The following UNC13C variants were observed in gnomAD, a reference collection of about 807,000 sequenced individuals.
UNC13C encodes the protein protein unc-13 homolog C.
UNC13C carries 174 observed loss-of-function variants against 245.4 expected under a neutral mutation model. The ratio of observed to expected loss-of-function variants is 0.71; its 90% CI spans 0.63 to 0.80. The LOEUF is 0.80. Ranked by LOEUF, UNC13C falls within the 30% of genes least tolerant of loss-of-function variation. The pLI, the probability that UNC13C is intolerant of heterozygous loss-of-function variation, is 0.00. For missense variants in UNC13C, 2,829 were observed against 2,602.9 expected (o/e 1.09, Z -1.89); for synonymous variants, 992 against 895.1 (o/e 1.11, Z -1.93).
chr15:54,521,755 TG>T (rs1221171650), intron 24 of UNC13C, among the ~76,000 whole-genome samples: 1 of 152,212 alleles, frequency 6.6e-6, no homozygotes, highest in Non-Finnish European at 1.5e-5. Context: ...TTCTAAGGAA[TG>T]AAAGATTTCA....
intron 19 of UNC13C, among the ~76,000 whole-genome samples, chr15:54,461,899 T>C (rs1186000645): frequency 1.3e-5 from 2 of 152,128 alleles, no homozygotes; most frequent in Non-Finnish European, 2.9e-5. Flanking sequence ...TGGTATGAAA[T>C]AATAACTTCT....
the UNC13C span, among the ~76,000 whole-genome samples, chr15:53,891,122 C>T: frequency 6.6e-6 from 1 of 152,012 alleles, no homozygotes; most frequent in Non-Finnish European, 1.5e-5. Flanking sequence ...TTGTTATTTA[C>T]CAGTAGTCAT....
the UNC13C span, among the ~76,000 whole-genome samples, chr15:53,922,309 G>T: frequency 6.6e-6 from 1 of 152,084 alleles, no homozygotes; most frequent in Non-Finnish European, 1.5e-5. Context: ...ATATGAAAAA[G>T]GTTCCCAGAA....
At chr15:54,626,564 G>GCAAT (rs1338600216) in intron 32 of UNC13C, among the ~76,000 whole-genome samples, 1 of 152,012 alleles carries the variant, frequency 6.6e-6, no homozygotes, top group Non-Finnish European at 1.5e-5. Flanking sequence ...CACCGCACCC[G>GCAAT]CAATCAGGAG....
rs898791262 is a variant in UNC13C at position 54,628,538 on chromosome 15, T to C, written c.*1425T>C. 3 of 152,630 alleles carry C rather than the reference T, an allele frequency of 2.0e-5. No homozygotes were observed. The highest frequency in any genetic ancestry group is 7.2e-5 in the African/African-American group (3 of 41,454). The allele number at this position is 152,630 out of a possible 1,614,324, so 9.5% of individuals were successfully genotyped here. On this transcript the variant is annotated 3_prime_UTR_variant, in exon 33 of 33. Coordinates refer to ENST00000260323, the MANE Select transcript of UNC13C (RefSeq NM_001080534.3). ...GCCACTGCTTTGTTAATGACTCCTC[T>C]AAATGCATAGTGTGATGCGATCCTC...
intron 2 of UNC13C, among the ~76,000 whole-genome samples, chr15:54,016,867 GCTATTAC>G (rs1895683657): frequency 6.6e-6 from 1 of 152,048 alleles, no homozygotes; most frequent in African/African-American, 2.4e-5. Context: ...CATTAATTAA[GCTATTAC>G]TCTACATAAT....
chr15:54,034,783 C>G (rs1374491209), intron 2 of UNC13C, among the ~76,000 whole-genome samples: 2 of 152,206 alleles, frequency 1.3e-5, no homozygotes, highest in African/African-American at 4.8e-5. Flanking sequence ...TCCTTAGAAG[C>G]TGACTTCAGA....
intron 8 of UNC13C, among the ~76,000 whole-genome samples, chr15:54,253,950 C>G (rs143079463): frequency 1.2e-3 from 190 of 152,278 alleles, no homozygotes; most frequent in Non-Finnish European, 2.0e-3. Flanking sequence ...CTTTTAATTC[C>G]TAACTAGAAA....
chr15:54,595,957 A>C (rs1899056224), intron 30 of UNC13C, among the ~76,000 whole-genome samples: 1 of 152,246 alleles, frequency 6.6e-6, no homozygotes, highest in South Asian at 2.1e-4. Flanking sequence ...TCTTCAAAGC[A>C]TAAGAAATAT....
chr15:54,081,755 T>C (rs1241740137), intron 2 of UNC13C, among the ~76,000 whole-genome samples: 2 of 152,122 alleles, frequency 1.3e-5, no homozygotes, highest in Admixed American at 6.5e-5. Flanking sequence ...TTCCACTCTA[T>C]GTCTTTTAAA....
At chr15:54,220,039 G>T (rs918998501) in intron 4 of UNC13C, among the ~76,000 whole-genome samples, 6 of 140,358 alleles carry the variant, frequency 4.3e-5, no homozygotes, top group Non-Finnish European at 7.5e-5. Flanking sequence ...TCAGTGTGGC[G>T]ATTCCTCAGG....
intron 23 of UNC13C, among the ~76,000 whole-genome samples, chr15:54,508,932 G>T (rs921694490): frequency 4.6e-5 from 7 of 152,150 alleles, no homozygotes; most frequent in Admixed American, 2.0e-4. Flanking sequence ...GGGCGCGGTG[G>T]CTCACACCCA....
At chr15:54,433,943 C>T (rs549726571) in intron 19 of UNC13C, among the ~76,000 whole-genome samples, 2 of 152,058 alleles carry the variant, frequency 1.3e-5, no homozygotes, top group East Asian at 1.9e-4. Context: ...CAATAATAGA[C>T]AAGTAGAGAG....
chr15:54,255,478 C>T (rs2036256132), intron 8 of UNC13C, among the ~76,000 whole-genome samples: 1 of 152,126 alleles, frequency 6.6e-6, no homozygotes, highest in Non-Finnish European at 1.5e-5. Flanking sequence ...TGTGCTCTTC[C>T]ACTCGGCATG....
chr15:53,972,641 T>C, the UNC13C span: 1 of 152,192 alleles, frequency 6.6e-6, no homozygotes, highest in Non-Finnish European at 1.5e-5. Flanking sequence ...TTTGAATCCA[T>C]GCAGTTTGTG....
At chr15:54,283,798 G>T (rs1045108675) in intron 10 of UNC13C, among the ~76,000 whole-genome samples, 1 of 151,856 alleles carries the variant, frequency 6.6e-6, no homozygotes, top group African/African-American at 2.4e-5. Context: ...TCGATTGGGC[G>T]CAGAGGCTCA....
At chr15:54,310,687 G>A (rs190860601) in intron 13 of UNC13C, among the ~76,000 whole-genome samples, 1 of 151,492 alleles carries the variant, frequency 6.6e-6, no homozygotes, top group African/African-American at 2.4e-5. Context: ...TTATGCCTTG[G>A]TACTCTTAAC....
At chr15:54,443,852 T>C (rs369774048) in intron 19 of UNC13C, among the ~76,000 whole-genome samples, 14 of 152,226 alleles carry the variant, frequency 9.2e-5, no homozygotes, top group East Asian at 5.8e-4. Context: ...AAATTTCATA[T>C]ACTGATGAGA....
chr15:54,027,942 C>T (rs1896186583), intron 2 of UNC13C, among the ~76,000 whole-genome samples: 1 of 152,172 alleles, frequency 6.6e-6, no homozygotes, highest in South Asian at 2.1e-4. Context: ...TCAGCCATGC[C>T]TTGAGCACAT....
Sources: gnomAD v4.1 joint callset for allele counts (sites outside exome capture counted in the v4.1 genomes callset) on GRCh38, gnomAD v4.1.1 for gene constraint, MANE v1.5 for transcripts, NCBI Gene and HGNC (gene_info 2026-07-23, HGNC 2026-07-21) for gene names.